The following OR51B5 variants were observed in gnomAD, a reference collection of about 807,000 sequenced individuals.
The protein encoded by OR51B5 is olfactory receptor family 51 subfamily B member 5, also known as olfactory receptor 51B5.
For synonymous variants in OR51B5, 186 were observed against 144.8 expected (o/e 1.28, Z -2.04); for missense variants, 456 against 374.6 (o/e 1.22, Z -1.79).
intron 1 of OR51B5, among the ~76,000 whole-genome samples, chr11:5,411,075 T>C (rs1850142438): frequency 1.3e-5 from 2 of 152,212 alleles, no homozygotes; most frequent in Non-Finnish European, 1.5e-5. Flanking sequence ...CCAGTGTTTA[T>C]AAAGTCCATA....
At chr11:5,439,801 A>T (rs10838105) in intron 1 of OR51B5, among the ~76,000 whole-genome samples, 15 of 152,028 alleles carry the variant, frequency 9.9e-5, no homozygotes, top group Admixed American at 9.8e-4. Context: ...AAAGAGAAAC[A>T]TTGTCCTTCT....
intron 1 of OR51B5, among the ~76,000 whole-genome samples, chr11:5,494,048 C>T (rs949325063): frequency 2.0e-5 from 3 of 152,218 alleles, no homozygotes; most frequent in Non-Finnish European, 1.5e-5. Context: ...GACTGAGCCT[C>T]ATAGCTGGCT....
chr11:5,364,739 G>A (rs371430209), intron 1 of OR51B5, among the ~76,000 whole-genome samples: 3 of 152,136 alleles, frequency 2.0e-5, no homozygotes, highest in African/African-American at 7.2e-5. Flanking sequence ...TCTTCAAAGT[G>A]AATGATCAAA....
At chr11:5,440,779 G>A in intron 1 of OR51B5, 2 of 1,613,966 alleles carry the variant, frequency 1.2e-6, no homozygotes, top group East Asian at 4.5e-5. Context: ...GCACAGATGT[G>A]TGACATGCAG....
intron 1 of OR51B5, among the ~76,000 whole-genome samples, chr11:5,373,363 T>C (rs1482769204): frequency 6.6e-6 from 1 of 152,164 alleles, no homozygotes; most frequent in East Asian, 1.9e-4. Context: ...GATGGCCAAA[T>C]AGGAACAGCT....
intron 1 of OR51B5, among the ~76,000 whole-genome samples, chr11:5,356,945 C>T (rs1457419767): frequency 6.6e-6 from 1 of 151,598 alleles, no homozygotes; most frequent in East Asian, 1.9e-4. Context: ...TTGTCATCAC[C>T]AGGCCTGACC....
At chr11:5,451,506 G>A (rs1032968168) in intron 1 of OR51B5, among the ~76,000 whole-genome samples, 3 of 152,156 alleles carry the variant, frequency 2.0e-5, no homozygotes, top group Non-Finnish European at 4.4e-5. Context: ...TATGCAGACT[G>A]AGCTCTAAGA....
At position 5,359,630 on chromosome 11, in the gene OR51B5, T is replaced by C. The variant is rs181409769; in HGVS notation, n.85-12720A>G. 1.3e-3 allele frequency among the ~76,000 whole-genome samples: 192 copies of C among 147,744 alleles called. 1 individual carries two copies. The highest frequency in any genetic ancestry group is 4.7e-3 in the African/African-American group (185 of 39,184). On this transcript the variant is annotated intron_variant and non_coding_transcript_variant, in intron 1 of 4. Coordinates refer to the OR51B5 transcript ENST00000415970. ...GCTACCAATGACTTTCTTCACAGAA[T>C]TGGAAAAAACTACTTTAAAGTTCAT...
chr11:5,354,143 T>C (rs1264876294), intron 1 of OR51B5, among the ~76,000 whole-genome samples: 2 of 150,992 alleles, frequency 1.3e-5, no homozygotes, highest in Non-Finnish European at 3.0e-5. Flanking sequence ...CATGTCTTTC[T>C]GTGTGTCTGC....
intron 1 of OR51B5, among the ~76,000 whole-genome samples, chr11:5,414,965 A>T (rs939127969): frequency 2.0e-5 from 3 of 152,318 alleles, no homozygotes; most frequent in Admixed American, 1.3e-4. Flanking sequence ...AAATCAACAG[A>T]ATATACATTT....
chr11:5,461,786 C>T (rs914669696), intron 1 of OR51B5, among the ~76,000 whole-genome samples: 1 of 152,018 alleles, frequency 6.6e-6, no homozygotes, highest in African/African-American at 2.4e-5. Flanking sequence ...TTTCTCATCC[C>T]GTCCCTACCA....
intron 1 of OR51B5, chr11:5,355,225 G>C (rs1849172700): frequency 5.7e-6 from 1 of 176,540 alleles, no homozygotes; most frequent in Non-Finnish European, 1.2e-5. Context: ...GAGAAAGTTT[G>C]AAGAGTTTAA....
Position 5,415,647 on chromosome 11 carries a change from C to G in OR51B5, n.85-68737G>C, listed in dbSNP as rs559862892. Reference sequence around the variant, plus strand: ...CCACCATCAGAGAATACTACAAGCACCTCTATGCAAATAAACTAGAAAATC... The same window carrying G: ...CCACCATCAGAGAATACTACAAGCAGCTCTATGCAAATAAACTAGAAAATC... On this transcript the variant is annotated intron_variant and non_coding_transcript_variant, in intron 1 of 4. Transcript: ENST00000415970. 4.2e-4 allele frequency among the ~76,000 whole-genome samples: 64 copies of G among 152,278 alleles called. No homozygotes were observed. The East Asian group carries it at 6.0e-3, about 14-fold the overall frequency.
intron 1 of OR51B5, among the ~76,000 whole-genome samples, chr11:5,452,843 C>A (rs1850877670): frequency 6.6e-6 from 1 of 152,116 alleles, no homozygotes; most frequent in Non-Finnish European, 1.5e-5. Context: ...CAGCCTTGTG[C>A]CTTTGCACAA....
intron 1 of OR51B5, among the ~76,000 whole-genome samples, chr11:5,415,679 A>T (rs1850232524): frequency 6.6e-6 from 1 of 152,296 alleles, no homozygotes; most frequent in Admixed American, 6.5e-5. Flanking sequence ...AATCTAGAAG[A>T]AATGGATAAA....
At chr11:5,352,755 C>T (rs1024843918) in intron 1 of OR51B5, among the ~76,000 whole-genome samples, 1 of 150,816 alleles carries the variant, frequency 6.6e-6, no homozygotes, top group Admixed American at 6.6e-5. Context: ...TACATACATA[C>T]TTACACACAT....
intron 1 of OR51B5, among the ~76,000 whole-genome samples, chr11:5,498,212 C>T (rs1229981157): frequency 6.6e-6 from 1 of 152,172 alleles, no homozygotes; most frequent in East Asian, 1.9e-4. Flanking sequence ...GGAGGTCACC[C>T]TTCCCTAAAC....
chr11:5,402,965 T>G (rs1589976875), intron 1 of OR51B5: 1 of 471,398 alleles, frequency 2.1e-6, no homozygotes, highest in Non-Finnish European at 4.4e-6. Flanking sequence ...GCCATGTCTT[T>G]GGACCGCTTT....
intron 1 of OR51B5, among the ~76,000 whole-genome samples, chr11:5,432,771 AGTTT>A (rs769781614): frequency 2.6e-5 from 4 of 152,200 alleles, no homozygotes; most frequent in Non-Finnish European, 5.9e-5. Flanking sequence ...CTTAAAAGTC[AGTTT>A]CTGCAGAGCC....
Sources: allele counts gnomAD v4.1 joint callset (sites outside exome capture counted in the v4.1 genomes callset), GRCh38; gene constraint gnomAD v4.1.1; transcripts MANE v1.5; gene names NCBI Gene and HGNC (gene_info 2026-07-23, HGNC 2026-07-21).